The following GALNT5 variants were observed in gnomAD, a reference collection of about 807,000 sequenced individuals.
GALNT5 encodes polypeptide N-acetylgalactosaminyltransferase 5, also known as UDP-GalNAc:polypeptide N-acetylgalactosaminyltransferase 5.
A neutral mutation model predicts 85.4 loss-of-function variants in GALNT5; 72 were observed. The observed-to-expected ratio is 0.84, with a 90% confidence interval of 0.70 to 1.03. GALNT5 has a LOEUF of 1.03. Among genes scored for constraint, GALNT5 ranks in the 50% least tolerant of loss-of-function variants. GALNT5 has a pLI of 0.00. For synonymous variants in GALNT5, 404 were observed against 397.0 expected, an observed-to-expected ratio of 1.02 and a Z score of -0.21; for missense variants, 1,137 against 1,135.5, an observed-to-expected ratio of 1.00 and a Z score of -0.02.
At chr2:157,259,755 C>A (rs1682298504) in intron 1 of GALNT5, among the ~76,000 whole-genome samples, 1 of 152,186 alleles carries the variant, frequency 6.6e-6, no homozygotes, top group Admixed American at 6.5e-5. Flanking sequence ...TGGTCCCTAC[C>A]ATTAGCTCAT....
rs554447274 is a variant in GALNT5 at position 157,308,654 on chromosome 2, C to G, written c.2608C>G (p.Leu870Val). The change falls in exon 9 of 10, where the codon CTG (leucine) becomes GTG (valine). Residue 870 changes from leucine to valine, a missense_variant. Physicochemically the swap from Leu to Val is conservative, Grantham distance 32. Coordinates refer to ENST00000259056, the MANE Select transcript of GALNT5 (RefSeq NM_014568.3). ...APIPDKGAVR[L>V]HPCDNRNKGL... The stretch of plus-strand genomic sequence containing the variant: ...CATCCCTGATAAAGGAGCCGTAAGG[C>G]TGCACCCTTGTGATAACAGAAACAA... The G allele has an allele frequency of 1.2e-6, 2 of 1,613,588 alleles. No individual in the cohort carries two copies. Among genetic ancestry groups the G allele is most frequent in the African/African-American group, 1.3e-5 (1 of 74,924 alleles).
At position 157,311,893 on chromosome 2, in the gene GALNT5, A is replaced by G. The variant is rs926832903; in HGVS notation, c.*545A>G. On this transcript the variant is annotated 3_prime_UTR_variant, in exon 10 of 10. Coordinates refer to ENST00000259056, the MANE Select transcript of GALNT5 (RefSeq NM_014568.3). Reference sequence around the variant, plus strand: ...TACCTAACAGTTTGAAATAGTATTGATCTACTGCTGGTAACCCTGCTTGAT... The same window carrying G: ...TACCTAACAGTTTGAAATAGTATTGGTCTACTGCTGGTAACCCTGCTTGAT... 6.6e-6 allele frequency: 1 copy of G among 152,180 alleles called. No homozygotes were observed. Among genetic ancestry groups the G allele is most frequent in the African/African-American group, 2.4e-5 (1 of 41,442 alleles). 9.4% of individuals were successfully genotyped at this position (152,180 alleles called of 1,614,324 possible).
intron 1 of GALNT5, among the ~76,000 whole-genome samples, chr2:157,282,906 C>T (rs756187448): frequency 2.0e-5 from 3 of 152,154 alleles, no homozygotes; most frequent in Non-Finnish European, 4.4e-5. Context: ...TACAGAATAG[C>T]ACTTTGGCAA....
chr2:157,299,687 CT>C (rs779360320), intron 6 of GALNT5, 22 bp downstream of exon 6: 3 of 1,268,060 alleles, frequency 2.4e-6, no homozygotes, highest in Non-Finnish European at 3.4e-6. Flanking sequence ...TGTTTCCCAA[CT>C]TTTCTTTACG....
chr2:157,263,154 T>C (rs1250631678), intron 1 of GALNT5, among the ~76,000 whole-genome samples: 1 of 151,818 alleles, frequency 6.6e-6, no homozygotes, highest in East Asian at 1.9e-4. Flanking sequence ...GCACAAGAAC[T>C]CCTTTCTGTT....
At chr2:157,295,615 T>A (rs753699153) in intron 3 of GALNT5, 48 bp from the exon 4 acceptor site, 1 of 1,510,910 alleles carries the variant, frequency 6.6e-7, no homozygotes, top group Non-Finnish European at 9.1e-7. Context: ...GTACACACAT[T>A]CAATATATCG....
chr2:157,296,267 G>T lies in GALNT5; in HGVS notation c.1878-127G>T, dbSNP rs554805403. ...AACATTCTTGAACTATTATTAAAAG[G>T]TGGTGATCTAAACTCATCAAAAGCA... is the stretch of plus-strand genomic sequence containing the variant. On this transcript the variant is annotated intron_variant, in intron 4 of 9. Transcript: ENST00000259056. 193 of 633,356 alleles carry T rather than the reference G, an allele frequency of 3.0e-4. 1 individual carries two copies. The highest frequency in any genetic ancestry group is 4.5e-4 in the Non-Finnish European group (166 of 365,662). The allele number at this position is 633,356 out of a possible 1,614,324, so 39.2% of individuals were successfully genotyped here.
At chr2:157,298,600 C>T (rs1361354137) in intron 5 of GALNT5, among the ~76,000 whole-genome samples, 2 of 152,202 alleles carry the variant, frequency 1.3e-5, no homozygotes, top group Non-Finnish European at 2.9e-5. Flanking sequence ...CCGTTTGCTC[C>T]GGCCCACTCC....
chr2:157,304,847 A>G (rs1683419408), intron 7 of GALNT5, among the ~76,000 whole-genome samples: 1 of 152,210 alleles, frequency 6.6e-6, no homozygotes, highest in Non-Finnish European at 1.5e-5. Flanking sequence ...TTCTGTGAGC[A>G]TCCAGTCTGC....
chr2:157,280,664 C>T (rs1682836214), intron 1 of GALNT5, among the ~76,000 whole-genome samples: 1 of 152,134 alleles, frequency 6.6e-6, no homozygotes, highest in African/African-American at 2.4e-5. Flanking sequence ...AAGGAATAGC[C>T]AAGTGATATG....
intron 4 of GALNT5, 70 bp downstream of exon 4, chr2:157,295,868 T>A: frequency 8.9e-7 from 1 of 1,129,826 alleles, no homozygotes. Context: ...AAGTGCTGAG[T>A]ATATGCCTAA....
intron 1 of GALNT5, among the ~76,000 whole-genome samples, chr2:157,276,570 G>A (rs1465017325): frequency 6.6e-6 from 1 of 152,130 alleles, no homozygotes; most frequent in Non-Finnish European, 1.5e-5. Flanking sequence ...TATGTGTCCA[G>A]GAATTTATCC....
At position 157,312,188 on chromosome 2, in the gene GALNT5, A is replaced by G. The variant is rs1297288004; in HGVS notation, c.*840A>G. 1 of 152,210 alleles carries G rather than the reference A, an allele frequency of 6.6e-6. No homozygotes were observed. The highest frequency in any genetic ancestry group is 2.1e-4 in the South Asian group (1 of 4,830). The allele number at this position is 152,210 out of a possible 1,614,324, so 9.4% of individuals were successfully genotyped here. A position where few individuals can be genotyped will look rare whatever the true frequency, so the allele number is the denominator to read the frequency against. On this transcript the variant is annotated 3_prime_UTR_variant, in exon 10 of 10. Transcript: ENST00000259056. ...AAAAATGCATTTAAGCATTGAATGC[A>G]CTCTAGTGCAGGGCCAAGTAAGAGG... is the stretch of plus-strand genomic sequence containing the variant.
intron 3 of GALNT5, among the ~76,000 whole-genome samples, chr2:157,287,798 T>C (rs1029733985): frequency 6.6e-6 from 1 of 152,218 alleles, no homozygotes; most frequent in African/African-American, 2.4e-5. Flanking sequence ...TTCATGTTCA[T>C]ACATTTCTAT....
chr2:157,301,103 C>T (rs1683333916), intron 7 of GALNT5, 104 bp downstream of exon 7: 1 of 796,538 alleles, frequency 1.3e-6, no homozygotes, highest in Non-Finnish European at 2.0e-6. Context: ...TAAATAAACA[C>T]CAAGTATGAG....
chr2:157,262,634 AAACAACAAC>A (rs201143254), intron 1 of GALNT5, among the ~76,000 whole-genome samples: 15 of 137,038 alleles, frequency 1.1e-4, no homozygotes, highest in African/African-American at 4.1e-4. Context: ...TTGTCTCAGA[AAACAACAAC>A]AACAACAACA....
At chr2:157,268,803 A>C (rs541124875) in intron 1 of GALNT5, among the ~76,000 whole-genome samples, 95 of 151,644 alleles carry the variant, frequency 6.3e-4, no homozygotes, top group Non-Finnish European at 9.0e-4. Context: ...CAAGACAAAG[A>C]GATTGGATTA....
At position 157,308,743 on chromosome 2, in the gene GALNT5, G is replaced by A; in HGVS notation, c.2682+15G>A. The A allele has an allele frequency of 6.3e-7, 1 of 1,597,258 alleles. No homozygotes were observed. The highest frequency in any genetic ancestry group is 8.5e-7 in the Non-Finnish European group (1 of 1,171,142). On this transcript the variant is annotated intron_variant, in intron 9 of 9. Transcript: ENST00000259056. ...ATCCAGAACTGGTAAGCAAAAGATT[G>A]GTACCTCTTCTTTACCACAAATTTG...
chr2:157,258,768 A>C lies in GALNT5; in HGVS notation c.686A>C (p.Gln229Pro), dbSNP rs372387793. The change falls in exon 1 of 10, where the codon CAG (glutamine) becomes CCG (proline). Residue 229 changes from glutamine (Q) to proline (P), a missense_variant. Transcript: ENST00000259056. ...AGTCTTAGTACTGATAGACCAAAGC[A>C]GCGATCACAGGCAGTAGCAAACGAG... ...TISLSTDRPK[Q>P]RSQAVANERA... 5.6e-6 allele frequency: 9 copies of C among 1,611,174 alleles called. No individual in the cohort carries two copies. Among genetic ancestry groups the C allele is most frequent in the African/African-American group, 4.0e-5 (3 of 74,866 alleles).
Sources: allele counts gnomAD v4.1 joint callset (sites outside exome capture counted in the v4.1 genomes callset), GRCh38; gene constraint gnomAD v4.1.1; transcripts MANE v1.5; gene names NCBI Gene and HGNC (gene_info 2026-07-23, HGNC 2026-07-21).